Variants in ANKS1B observed in about 807,000 individuals in gnomAD.
ANKS1B encodes the protein ankyrin repeat and sterile alpha motif domain containing 1B, also known as ankyrin repeat and sterile alpha motif domain-containing protein 1B.
Under a neutral mutation model 148.3 loss-of-function variants are expected in ANKS1B, and 36 were observed. The ratio of observed to expected loss-of-function variants is 0.24; its 90% CI spans 0.19 to 0.32. ANKS1B has a LOEUF of 0.32. ANKS1B is among the 10% of genes least tolerant of loss of function. ANKS1B has a pLI of 1.00. For synonymous variants in ANKS1B, 542 were observed against 560.8 expected, an observed-to-expected ratio of 0.97 and a Z score of 0.47; for missense variants, 1,157 against 1,542.6, an observed-to-expected ratio of 0.75 and a Z score of 4.19.
intron 19 of ANKS1B, among the ~76,000 whole-genome samples, chr12:98,819,334 G>A (rs2099166084): frequency 6.6e-6 from 1 of 152,170 alleles, no homozygotes; most frequent in African/African-American, 2.4e-5. Context: ...CAGAGCTGGG[G>A]AACCAGGATG....
At chr12:99,082,964 A>G (rs1487403948) in intron 16 of ANKS1B, among the ~76,000 whole-genome samples, 2 of 152,142 alleles carry the variant, frequency 1.3e-5, no homozygotes, top group East Asian at 3.9e-4. Context: ...ACTTGCTGAG[A>G]AGGTAATATT....
intron 14 of ANKS1B, among the ~76,000 whole-genome samples, chr12:99,233,934 G>A (rs1429239703): frequency 6.6e-6 from 1 of 152,108 alleles, no homozygotes; most frequent in Non-Finnish European, 1.5e-5. Flanking sequence ...CATTAGAAAT[G>A]TGTAGGGGTG....
At position 99,895,369 on chromosome 12, in the gene ANKS1B, G is replaced by A. The variant is rs57944434; in HGVS notation, c.135-69980C>T. Among the ~76,000 whole-genome samples, 258 of 150,764 alleles carry A rather than the reference G, an allele frequency of 1.7e-3. 10 individuals carry two copies. The East Asian group carries it at 0.041, about 24-fold the overall frequency. On this transcript the variant is annotated intron_variant, in intron 1 of 26. Transcript: ENST00000683438. ...TAGAGGCTGAGAAGTCCCATGTGGC[G>A]AAATCTCCACAAACACATGAACCAA...
chr12:98,932,010 A>G (rs1004469020), intron 17 of ANKS1B, among the ~76,000 whole-genome samples: 1 of 152,158 alleles, frequency 6.6e-6, no homozygotes, highest in African/African-American at 2.4e-5. Context: ...GCTCAGTCCC[A>G]TGGTGGAAGA....
intron 12 of ANKS1B, among the ~76,000 whole-genome samples, chr12:99,345,260 A>C (rs2090504039): frequency 2.6e-5 from 4 of 152,062 alleles, no homozygotes; most frequent in Admixed American, 2.6e-4. Flanking sequence ...AGATCTAGAG[A>C]TCTGAGAAAT....
At chr12:99,516,119 GTTGT>G (rs2096818272) in intron 9 of ANKS1B, among the ~76,000 whole-genome samples, 1 of 152,114 alleles carries the variant, frequency 6.6e-6, no homozygotes, top group South Asian at 2.1e-4. Context: ...TCTTCACTGT[GTTGT>G]TTCCCTTGCT....
At chr12:99,003,908 A>T (rs772820030) in intron 17 of ANKS1B, among the ~76,000 whole-genome samples, 3 of 151,798 alleles carry the variant, frequency 2.0e-5, no homozygotes, top group Non-Finnish European at 4.4e-5. Flanking sequence ...TTACTTTCCC[A>T]CTCTCATGCT....
At chr12:98,797,305 G>A (rs1014340865) in intron 22 of ANKS1B, among the ~76,000 whole-genome samples, 5 of 152,116 alleles carry the variant, frequency 3.3e-5, no homozygotes, top group Admixed American at 6.6e-5. Context: ...CTGGGCTCTG[G>A]AGTCAGACAG....
intron 9 of ANKS1B, chr12:99,649,615 T>C (rs1449712063): frequency 2.0e-6 from 1 of 509,706 alleles, no homozygotes; most frequent in Non-Finnish European, 3.5e-6. Context: ...CAGGAGGAAG[T>C]ATAGCCAGCA....
chr12:98,942,501 C>T (rs145990545), intron 17 of ANKS1B, among the ~76,000 whole-genome samples: 250 of 152,280 alleles, frequency 1.6e-3, no homozygotes, highest in African/African-American at 5.8e-3. Context: ...TTCAGCTACT[C>T]ATCCTCCACC....
chr12:99,207,666 A>G (rs2082845012), intron 14 of ANKS1B, among the ~76,000 whole-genome samples: 1 of 152,102 alleles, frequency 6.6e-6, no homozygotes, highest in Non-Finnish European at 1.5e-5. Flanking sequence ...AAAAATTCCA[A>G]TTAATATATG....
chr12:99,805,279 A>AAAAAAAAAAAAAAAAAAAAAAC (rs2067482474), intron 4 of ANKS1B, among the ~76,000 whole-genome samples: 1 of 147,646 alleles, frequency 6.8e-6, no homozygotes, highest in Non-Finnish European at 1.5e-5. Context: ...AAAAAAAAAA[A>AAAAAAAAAAAAAAAAAAAAAAC]AAAAAAAAAG....
intron 1 of ANKS1B, among the ~76,000 whole-genome samples, chr12:99,961,269 C>T (rs1034635068): frequency 5.3e-5 from 8 of 152,038 alleles, no homozygotes; most frequent in Non-Finnish European, 7.4e-5. Context: ...AAACAAACAA[C>T]AAAACAAATG....
At chr12:99,281,935 C>T (rs1209159067) in intron 12 of ANKS1B, among the ~76,000 whole-genome samples, 1 of 152,108 alleles carries the variant, frequency 6.6e-6, no homozygotes, top group Non-Finnish European at 1.5e-5. Context: ...ACATAACAGC[C>T]ACTGTTGTAT....
chr12:98,878,374 A>AAAAC (rs3051082), intron 17 of ANKS1B, among the ~76,000 whole-genome samples: 20,459 of 150,320 alleles, frequency 0.14, 1,730 homozygotes, highest in East Asian at 0.36. Context: ...ACCCTGTCTC[A>AAAAC]AAACAAACAA....
intron 9 of ANKS1B, among the ~76,000 whole-genome samples, chr12:99,571,449 C>T (rs1179564132): frequency 1.3e-5 from 2 of 151,876 alleles, no homozygotes; most frequent in African/African-American, 4.8e-5. Context: ...AAAGTAGTAT[C>T]TGATTCAGGT....
At chr12:98,762,154 A>G (rs998791348) in intron 25 of ANKS1B, among the ~76,000 whole-genome samples, 1 of 152,150 alleles carries the variant, frequency 6.6e-6, no homozygotes, top group African/African-American at 2.4e-5. Context: ...GTCTGATTGA[A>G]AAGTGTCTAT....
At chr12:98,995,641 A>T (rs1041955929) in intron 17 of ANKS1B, among the ~76,000 whole-genome samples, 1 of 152,194 alleles carries the variant, frequency 6.6e-6, no homozygotes, top group Non-Finnish European at 1.5e-5. Flanking sequence ...TTACCATCCA[A>T]TGTAGAACAA....
chr12:99,382,133 T>C (rs2093663881), intron 12 of ANKS1B, among the ~76,000 whole-genome samples: 1 of 152,190 alleles, frequency 6.6e-6, no homozygotes, highest in Non-Finnish European at 1.5e-5. Flanking sequence ...GAAACTTATC[T>C]TATTGTTCAC....
Sources: gnomAD v4.1 joint callset for allele counts (sites outside exome capture counted in the v4.1 genomes callset) on GRCh38, gnomAD v4.1.1 for gene constraint, MANE v1.5 for transcripts, NCBI Gene and HGNC (gene_info 2026-07-23, HGNC 2026-07-21) for gene names.